The following CSMD1 variants were observed in gnomAD, a reference collection of about 807,000 sequenced individuals.
The protein encoded by CSMD1 is CUB and sushi domain-containing protein 1.
CSMD1 carries 213 observed loss-of-function variants against 417.5 expected under a neutral mutation model. The ratio of observed to expected loss-of-function variants is 0.51; its 90% confidence interval spans 0.46 to 0.57. CSMD1 has a LOEUF of 0.57. Among genes scored for constraint, CSMD1 ranks in the 20% least tolerant of loss-of-function variants. CSMD1 has a pLI of 0.00. For synonymous variants in CSMD1, 2,862 were observed against 1,736.8 expected (o/e 1.65, Z -16.11); for missense variants, 6,923 against 4,529.7 (o/e 1.53, Z -15.17).
chr8:3,406,699 T>A (rs982825612), intron 14 of CSMD1, among the ~76,000 whole-genome samples: 1 of 152,182 alleles, frequency 6.6e-6, no homozygotes, highest in Non-Finnish European at 1.5e-5. Flanking sequence ...ATGAAACAAT[T>A]ATTGTCCAAT....
At chr8:4,306,292 A>C (rs76330523) in intron 3 of CSMD1, among the ~76,000 whole-genome samples, 114,838 of 151,984 alleles carry the variant, frequency 0.76, 43,503 homozygotes, top group East Asian at 0.85. Context: ...AATAGACACT[A>C]AATAATATAT....
chr8:4,673,152 A>G (rs2130953194), intron 1 of CSMD1, among the ~76,000 whole-genome samples: 1 of 152,338 alleles, frequency 6.6e-6, no homozygotes, highest in East Asian at 1.9e-4. Flanking sequence ...GAGGGGAAAA[A>G]GGGATTCTAT....
At chr8:3,779,597 C>G (rs73658257) in intron 5 of CSMD1, among the ~76,000 whole-genome samples, 1,586 of 152,160 alleles carry the variant, frequency 0.01, 27 homozygotes, top group African/African-American at 0.035. Context: ...TGCTGAATAA[C>G]CGGGTATTTT....
Position 4,721,403 on chromosome 8 carries a change from A to G in CSMD1, c.86-83845T>C, listed in dbSNP as rs74869468. On this transcript the variant is annotated intron_variant, in intron 1 of 69. Coordinates refer to ENST00000635120, the MANE Select transcript of CSMD1 (RefSeq NM_033225.6). ...TAAGAATCATCAAATATAAAAAAGA[A>G]TGAATCTGACTACTACAAATCAGAT... Among the ~76,000 whole-genome samples the G allele has an allele frequency of 1.0e-3, 157 of 152,348 alleles. 1 individual carries two copies. Among genetic ancestry groups the G allele is most frequent in the Non-Finnish European group, 2.0e-3 (138 of 68,036 alleles).
intron 3 of CSMD1, among the ~76,000 whole-genome samples, chr8:4,395,076 G>A (rs190003494): frequency 2.0e-5 from 3 of 152,104 alleles, no homozygotes; most frequent in African/African-American, 7.2e-5. Flanking sequence ...GGGTGTCCTG[G>A]CACCTCCTGC....
At position 4,497,287 on chromosome 8, in the gene CSMD1, C is replaced by T. The variant is rs145817522; in HGVS notation, c.303-77222G>A. Among the ~76,000 whole-genome samples the T allele has an allele frequency of 2.6e-3, 394 of 152,210 alleles. 5 individuals carry two copies. The highest frequency in any genetic ancestry group is 5.4e-3 in the African/African-American group (224 of 41,518). On this transcript the variant is annotated intron_variant, in intron 2 of 69. Coordinates refer to ENST00000635120, the MANE Select transcript of CSMD1 (RefSeq NM_033225.6). ...TTGAATATCATTACTTCTTTGCAAC[C>T]CAAAGCAAGGAATTTTGAAACGATT... is the stretch of plus-strand genomic sequence containing the variant.
chr8:3,379,533 C>T (rs1035196372), intron 18 of CSMD1, among the ~76,000 whole-genome samples: 6 of 152,158 alleles, frequency 3.9e-5, no homozygotes, highest in Non-Finnish European at 1.5e-5. Flanking sequence ...CAGCAAGGTA[C>T]TGGTACCAAA....
chr8:3,976,378 G>T (rs567310016), intron 5 of CSMD1, among the ~76,000 whole-genome samples: 1 of 152,234 alleles, frequency 6.6e-6, no homozygotes, highest in South Asian at 2.1e-4. Context: ...GAAGATTCCT[G>T]AACTTTCTTC....
At chr8:3,630,838 C>A (rs1026898681) in intron 7 of CSMD1, among the ~76,000 whole-genome samples, 1 of 152,132 alleles carries the variant, frequency 6.6e-6, no homozygotes, top group African/African-American at 2.4e-5. Context: ...GATCTCAGAT[C>A]CCCACAGGCA....
chr8:4,958,133 T>C (rs1276044888), intron 1 of CSMD1, among the ~76,000 whole-genome samples: 2 of 151,190 alleles, frequency 1.3e-5, no homozygotes, highest in African/African-American at 2.5e-5. Flanking sequence ...TTCCTGTCCT[T>C]AGAACATATG....
At chr8:3,343,595 A>G (rs1807800614) in intron 22 of CSMD1, 145 bp from the exon 23 acceptor site, 1 of 677,914 alleles carries the variant, frequency 1.5e-6, no homozygotes, top group East Asian at 2.8e-5. Context: ...TAAATGAAGG[A>G]CTTAGAGCTA....
At chr8:4,954,320 C>T (rs766921325) in intron 1 of CSMD1, among the ~76,000 whole-genome samples, 1 of 152,086 alleles carries the variant, frequency 6.6e-6, no homozygotes, top group Non-Finnish European at 1.5e-5. Context: ...ATAAAGGAAG[C>T]TTGTTATTTA....
At chr8:4,003,326 G>A (rs931976584) in intron 4 of CSMD1, among the ~76,000 whole-genome samples, 1 of 152,030 alleles carries the variant, frequency 6.6e-6, no homozygotes, top group Non-Finnish European at 1.5e-5. Context: ...CTGGGAGGTG[G>A]AGCTTGCAGT....
At chr8:3,283,853 T>C (rs1436451484) in intron 26 of CSMD1, among the ~76,000 whole-genome samples, 3 of 152,234 alleles carry the variant, frequency 2.0e-5, no homozygotes, top group South Asian at 2.1e-4. Flanking sequence ...CAATTTTCTC[T>C]CTTTCTTTGG....
rs1563390150 is a variant in CSMD1, at chr8:3,439,154, C to CAAAAAAAAAAAAAAAA, written c.1562-29550_1562-29549insTTTTTTTTTTTTTTTT. ...AAAAAAAAAAAAAAAAAAAAAAAAC[C>CAAAAAAAAAAAAAAAA]AAGAAAAAAAAAAGAAAAAGAAAAA... On this transcript the variant is annotated intron_variant, in intron 12 of 69. Coordinates refer to ENST00000635120, the MANE Select transcript of CSMD1 (RefSeq NM_033225.6). 4.5e-3 allele frequency among the ~76,000 whole-genome samples: 120 copies of CAAAAAAAAAAAAAAAA among 26,584 alleles called. 16 individuals carry two copies. Among genetic ancestry groups the CAAAAAAAAAAAAAAAA allele is most frequent in the African/African-American group, 8.6e-3 (49 of 5,682 alleles). 17.4% of individuals were successfully genotyped at this position (26,584 alleles called of 152,430 possible).
chr8:3,685,049 T>G (rs941713992), intron 7 of CSMD1, among the ~76,000 whole-genome samples: 5 of 152,116 alleles, frequency 3.3e-5, no homozygotes, highest in African/African-American at 1.2e-4. Context: ...CCAAGCCCAG[T>G]TTTTGAAATA....
intron 1 of CSMD1, among the ~76,000 whole-genome samples, chr8:4,906,729 G>A (rs1490618007): frequency 1.3e-5 from 2 of 152,048 alleles, no homozygotes; most frequent in East Asian, 1.9e-4. Context: ...GCTAATTTTT[G>A]TATTTTTTTT....
intron 5 of CSMD1, among the ~76,000 whole-genome samples, chr8:3,886,867 C>CTA (rs2129124832): frequency 6.6e-6 from 1 of 152,298 alleles, no homozygotes; most frequent in East Asian, 1.9e-4. Context: ...AATGGCTACA[C>CTA]TATACTGGCT....
chr8:3,975,507 A>G (rs1453562018), intron 5 of CSMD1, among the ~76,000 whole-genome samples: 1 of 152,134 alleles, frequency 6.6e-6, no homozygotes, highest in Non-Finnish European at 1.5e-5. Flanking sequence ...TAGCACAGAA[A>G]CTTCATCCAC....
Sources: gnomAD v4.1 joint callset for allele counts (sites outside exome capture counted in the v4.1 genomes callset) on GRCh38, gnomAD v4.1.1 for gene constraint, MANE v1.5 for transcripts, NCBI Gene and HGNC (gene_info 2026-07-23, HGNC 2026-07-21) for gene names.